PRICKLE1: variants seen among roughly 807,000 people sequenced by gnomAD.
The protein encoded by PRICKLE1 is prickle-like protein 1.
A neutral mutation model predicts 70.2 loss-of-function variants in PRICKLE1; 14 were observed. The observed-to-expected ratio is 0.20, with a 90% confidence interval of 0.13 to 0.31. The LOEUF is 0.31. Among genes scored for constraint, PRICKLE1 ranks in the 10% least tolerant of loss-of-function variants. The pLI is 1.00. For missense variants in PRICKLE1, 821 were observed against 1,026.2 expected, an observed-to-expected ratio of 0.80 and a Z score of 2.73; for synonymous variants, 357 against 379.9, an observed-to-expected ratio of 0.94 and a Z score of 0.70.
intron 1 of PRICKLE1, among the ~76,000 whole-genome samples, chr12:42,493,383 T>G (rs1009468322): frequency 6.6e-6 from 1 of 152,258 alleles, no homozygotes; most frequent in East Asian, 1.9e-4. Context: ...TTCAAAAAAT[T>G]TATTGTTTAG....
chr12:42,579,482 C>T (rs1389815837), intron 1 of PRICKLE1, among the ~76,000 whole-genome samples: 1 of 152,212 alleles, frequency 6.6e-6, no homozygotes, highest in East Asian at 1.9e-4. Context: ...TGTTTAGCTA[C>T]AGTTAAGTAT....
At chr12:42,473,990 T>C (rs1593117845) in intron 1 of PRICKLE1, among the ~76,000 whole-genome samples, 1 of 152,314 alleles carries the variant, frequency 6.6e-6, no homozygotes, top group African/African-American at 2.4e-5. Flanking sequence ...CCTTTGATTA[T>C]TGGCCGGGCG....
At chr12:42,498,928 A>G (rs1483111834) in intron 1 of PRICKLE1, among the ~76,000 whole-genome samples, 1 of 152,212 alleles carries the variant, frequency 6.6e-6, no homozygotes, top group African/African-American at 2.4e-5. Flanking sequence ...AAGGGCTTCC[A>G]CACTGAGCTC....
chr12:42,516,900 T>C (rs1409077375), intron 1 of PRICKLE1, among the ~76,000 whole-genome samples: 9 of 152,216 alleles, frequency 5.9e-5, no homozygotes, highest in Admixed American at 5.9e-4. Flanking sequence ...GGGTGGGTGA[T>C]ACCTGGCTGA....
intron 1 of PRICKLE1, among the ~76,000 whole-genome samples, chr12:42,532,399 C>G (rs1939934464): frequency 6.6e-6 from 1 of 152,152 alleles, no homozygotes; most frequent in African/African-American, 2.4e-5. Flanking sequence ...AGCTATAAAA[C>G]TATAGACCAG....
chr12:42,467,411 G>A (rs890813499), intron 5 of PRICKLE1, among the ~76,000 whole-genome samples: 5 of 144,528 alleles, frequency 3.5e-5, no homozygotes, highest in African/African-American at 1.0e-4. Context: ...CACCGAGCCC[G>A]GCAGGTTCTT....
At chr12:42,581,578 C>G (rs1460841320) in intron 1 of PRICKLE1, among the ~76,000 whole-genome samples, 1 of 151,934 alleles carries the variant, frequency 6.6e-6, no homozygotes, top group African/African-American at 2.4e-5. Flanking sequence ...GAAACCCCGT[C>G]TCCACTAAAA....
At chr12:42,546,084 A>T (rs902925053) in intron 1 of PRICKLE1, among the ~76,000 whole-genome samples, 1 of 152,048 alleles carries the variant, frequency 6.6e-6, no homozygotes, top group African/African-American at 2.4e-5. Flanking sequence ...TATATAGGAG[A>T]TCTTCCCTGG....
chr12:42,510,833 T>C lies in PRICKLE1; in HGVS notation c.-48-38269A>G, dbSNP rs562688364. On this transcript the variant is annotated intron_variant, in intron 1 of 7. Coordinates refer to ENST00000345127, the MANE Select transcript of PRICKLE1 (RefSeq NM_153026.3). ...CTAGTAAGGACACTAACCTGCTCTG[T>C]TAAAAGCTCTAATAAAAAGTTGTGT... Among the ~76,000 whole-genome samples, 3 of 152,312 alleles carry C rather than the reference T, an allele frequency of 2.0e-5. No individual in the cohort carries two copies. In the South Asian group the frequency reaches 6.2e-4, roughly 32 times the overall value.
intron 1 of PRICKLE1, among the ~76,000 whole-genome samples, chr12:42,588,246 C>T (rs4768422): frequency 0.33 from 49,762 of 152,060 alleles, 8,778 homozygotes; most frequent in East Asian, 0.56. Flanking sequence ...CCCTCTACTC[C>T]TAAAGTACAT....
chr12:42,469,547 T>C lies in PRICKLE1; in HGVS notation c.287A>G (p.Glu96Gly). 1 of 1,614,158 alleles carries C rather than the reference T, an allele frequency of 6.2e-7. No homozygotes were observed. Residue 96 changes from glutamate to glycine, a missense_variant, in exon 4 of 8, where the codon GAG (glutamate) becomes GGG (glycine). Transcript: ENST00000345127. ...CCGCTGAGCACTGAACACCTGCAAC[T>C]CTTTTTTCTCCTCTTCACTCAAAGA... ...CQSLSEEEKK[E>G]LQVFSAQRKK...
Position 42,542,007 on chromosome 12 carries a change from G to A in PRICKLE1, c.-49+47458C>T, listed in dbSNP as rs567430230. ...ATGAAGTCATACTAGAACTCACTCC[G>A]AACATAGTCCTCAGGGGGCTAGTAT... is the stretch of plus-strand genomic sequence containing the variant. On this transcript the variant is annotated intron_variant, in intron 1 of 7. Transcript: ENST00000345127. Among the ~76,000 whole-genome samples, 48 of 150,260 alleles carry A rather than the reference G, an allele frequency of 3.2e-4. 1 individual carries two copies. In the East Asian group the frequency reaches 8.1e-3, roughly 25 times the overall value.
At chr12:42,509,111 G>A (rs1343877006) in intron 1 of PRICKLE1, among the ~76,000 whole-genome samples, 2 of 152,228 alleles carry the variant, frequency 1.3e-5, no homozygotes, top group Non-Finnish European at 2.9e-5. Context: ...TACTCGCAGA[G>A]GAGACCACAG....
At chr12:42,550,301 C>G (rs1940291902) in intron 1 of PRICKLE1, 1 of 144,018 alleles carries the variant, frequency 6.9e-6, no homozygotes, top group Admixed American at 7.5e-5. Context: ...CCACTGCACT[C>G]CAGCCTGGGC....
intron 1 of PRICKLE1, among the ~76,000 whole-genome samples, chr12:42,559,863 T>C (rs117472397): frequency 0.018 from 2,792 of 151,798 alleles, 46 homozygotes; most frequent in South Asian, 0.057. Flanking sequence ...GTTCTCACAA[T>C]GGGGGAACTT....
chr12:42,502,183 C>T (rs1186940034), intron 1 of PRICKLE1, among the ~76,000 whole-genome samples: 1 of 150,734 alleles, frequency 6.6e-6, no homozygotes, highest in South Asian at 2.1e-4. Flanking sequence ...ACACACACAC[C>T]TATACATATA....
At chr12:42,551,964 C>A (rs1423453503) in intron 1 of PRICKLE1, among the ~76,000 whole-genome samples, 1 of 152,054 alleles carries the variant, frequency 6.6e-6, no homozygotes, top group Non-Finnish European at 1.5e-5. Context: ...TACAGTATGG[C>A]ATGGAAGCTA....
In PRICKLE1 at chr12:42,540,980, G is replaced by A. The variant is rs142256323; in HGVS notation, c.-49+48485C>T. Among the ~76,000 whole-genome samples the A allele has an allele frequency of 6.1e-3, 923 of 152,232 alleles. 4 individuals carry two copies. The highest frequency in any genetic ancestry group is 0.021 in the African/African-American group (883 of 41,534). On this transcript the variant is annotated intron_variant, in intron 1 of 7. Transcript: ENST00000345127. ...CATATCTATTTATGGGTAGAATAGA[G>A]AGGTATTTGGTTTTTTTTTCATTTA...
chr12:42,466,139 TC>T (rs1157729499), intron 6 of PRICKLE1, 54 bp downstream of exon 6: 1 of 1,579,792 alleles, frequency 6.3e-7, no homozygotes, highest in Non-Finnish European at 8.7e-7. Context: ...GACTGGATAA[TC>T]CAAGACAGAC....
Sources: allele counts gnomAD v4.1 joint callset (sites outside exome capture counted in the v4.1 genomes callset), GRCh38; gene constraint gnomAD v4.1.1; transcripts MANE v1.5; gene names NCBI Gene and HGNC (gene_info 2026-07-23, HGNC 2026-07-21).